NTM: variants seen among roughly 807,000 people sequenced by gnomAD.
The protein encoded by NTM is IgLON family member 2.
In NTM, 13 loss-of-function variants were observed where a neutral mutation model predicts 42.1. That is an observed-to-expected ratio of 0.31 (90% CI 0.20 to 0.49). The LOEUF (loss-of-function observed/expected upper bound fraction) is 0.49, where lower values mean the gene tolerates loss of function less well. Among genes scored for constraint, NTM ranks in the 20% least tolerant of loss-of-function variants. NTM has a pLI of 0.99. For missense variants in NTM, 373 were observed against 452.8 expected (o/e 0.82, Z 1.60); for synonymous variants, 187 against 179.2 (o/e 1.04, Z -0.35).
chr11:131,712,382 A>G (rs1366470823), intron 1 of NTM, among the ~76,000 whole-genome samples: 1 of 152,038 alleles, frequency 6.6e-6, no homozygotes, highest in African/African-American at 2.4e-5. Context: ...CCTTCTCGGA[A>G]ACTTCTGTGT....
At chr11:132,145,394 C>CT (rs1432460742) in intron 2 of NTM, among the ~76,000 whole-genome samples, 1 of 128,508 alleles carries the variant, frequency 7.8e-6, no homozygotes, top group African/African-American at 2.7e-5. Context: ...TAGTCAGGAT[C>CT]AGGACACTGC....
intron 4 of NTM, among the ~76,000 whole-genome samples, chr11:132,270,676 G>A (rs2093434289): frequency 6.6e-6 from 1 of 150,564 alleles, no homozygotes; most frequent in South Asian, 2.1e-4. Context: ...CTTTTTTGGG[G>A]GGTAATAGCA....
intron 1 of NTM, among the ~76,000 whole-genome samples, chr11:131,665,609 A>G (rs1279535633): frequency 6.6e-6 from 1 of 152,256 alleles, no homozygotes; most frequent in African/African-American, 2.4e-5. Flanking sequence ...CTGCTGACAC[A>G]TTGATCTTGA....
intron 1 of NTM, among the ~76,000 whole-genome samples, chr11:131,858,443 T>C (rs945356249): frequency 6.6e-6 from 1 of 152,160 alleles, no homozygotes; most frequent in Admixed American, 6.5e-5. Context: ...TCCTTGTATC[T>C]CCGTCTTCTA....
intron 1 of NTM, among the ~76,000 whole-genome samples, chr11:131,673,590 G>A (rs937282336): frequency 4.6e-5 from 7 of 152,196 alleles, no homozygotes; most frequent in African/African-American, 1.2e-4. Flanking sequence ...TACAGTTAGC[G>A]GGTGATGCTT....
chr11:131,746,998 C>G (rs928443796), intron 1 of NTM, among the ~76,000 whole-genome samples: 2 of 152,060 alleles, frequency 1.3e-5, no homozygotes, highest in Non-Finnish European at 2.9e-5. Context: ...TAACATATAC[C>G]TTTGTGGTGA....
rs188181675 is a variant in NTM at position 132,104,663 on chromosome 11, T to C, written c.168-41619T>C. Among the ~76,000 whole-genome samples the C allele has an allele frequency of 6.7e-4, 101 of 149,688 alleles. 2 individuals are homozygous for C. The highest frequency in any genetic ancestry group is 2.4e-3 in the African/African-American group (96 of 40,524). ...GGTAGTGCATGCTTTTAGTCCCAGC[T>C]ACTCAGGAGGACAAAGAGGGAGGAT... On this transcript the variant is annotated intron_variant, in intron 2 of 8. Transcript: ENST00000683400.
chr11:132,080,789 A>G (rs1388649800), intron 2 of NTM, among the ~76,000 whole-genome samples: 5 of 152,218 alleles, frequency 3.3e-5, no homozygotes, highest in African/African-American at 9.7e-5. Flanking sequence ...AAACTGTGAA[A>G]TGTGCTTGTT....
chr11:132,290,607 T>A (rs1369356223), intron 4 of NTM, among the ~76,000 whole-genome samples: 1 of 152,222 alleles, frequency 6.6e-6, no homozygotes, highest in Non-Finnish European at 1.5e-5. Context: ...ATTTATTCAT[T>A]CAACAACTAT....
At chr11:132,069,074 G>A (rs1365652001) in intron 2 of NTM, among the ~76,000 whole-genome samples, 31 of 152,172 alleles carry the variant, frequency 2.0e-4, no homozygotes, top group Admixed American at 1.2e-3. Context: ...TAGTAAACAC[G>A]TCACACAGCC....
At chr11:132,182,753 A>G (rs979605872) in intron 3 of NTM, among the ~76,000 whole-genome samples, 6 of 152,214 alleles carry the variant, frequency 3.9e-5, no homozygotes, top group Admixed American at 1.3e-4. Context: ...TTCCTATGGA[A>G]TAAAATCCAA....
At chr11:132,010,544 A>AT (rs2071915158) in intron 2 of NTM, among the ~76,000 whole-genome samples, 1 of 150,644 alleles carries the variant, frequency 6.6e-6, no homozygotes, top group Non-Finnish European at 1.5e-5. Context: ...ACCTTAATGA[A>AT]TTTTCCCTCC....
At chr11:132,034,230 G>C (rs1348270946) in intron 2 of NTM, among the ~76,000 whole-genome samples, 5 of 152,170 alleles carry the variant, frequency 3.3e-5, no homozygotes, top group Non-Finnish European at 5.9e-5. Flanking sequence ...TCACAGGCTA[G>C]TGCACATAGT....
At chr11:131,537,841 G>C (rs1025745905) in intron 1 of NTM, 1 of 152,352 alleles carries the variant, frequency 6.6e-6, no homozygotes, top group African/African-American at 2.4e-5. Flanking sequence ...GCTCCCTGGA[G>C]AAGGAACACA....
chr11:132,278,785 T>TCTCTC (rs2093844888), intron 4 of NTM, among the ~76,000 whole-genome samples: 2 of 85,892 alleles, frequency 2.3e-5, no homozygotes, highest in South Asian at 4.1e-4. Flanking sequence ...CTCTCTCTCT[T>TCTCTC]TACTGCTTAA....
intron 2 of NTM, among the ~76,000 whole-genome samples, chr11:132,074,197 C>T (rs1272760675): frequency 6.6e-6 from 1 of 152,190 alleles, no homozygotes; most frequent in East Asian, 1.9e-4. Context: ...AGCAAAATGG[C>T]TGATGGCAAG....
chr11:131,522,356 G>A (rs60960487), intron 1 of NTM, among the ~76,000 whole-genome samples: 18,697 of 126,650 alleles, frequency 0.15, 1,433 homozygotes, highest in East Asian at 0.3. Context: ...AGAACAACAA[G>A]AAAAAAAAAA....
At chr11:131,774,720 A>G (rs918798417) in intron 1 of NTM, among the ~76,000 whole-genome samples, 14 of 152,236 alleles carry the variant, frequency 9.2e-5, no homozygotes, top group African/African-American at 2.9e-4. Flanking sequence ...CCAGGAATGC[A>G]TTAAGCTTAA....
chr11:131,815,973 C>CCATTTCA (rs2092936519), intron 1 of NTM, among the ~76,000 whole-genome samples: 1 of 152,050 alleles, frequency 6.6e-6, no homozygotes, highest in Admixed American at 6.6e-5. Context: ...AGAGAGATGG[C>CCATTTCA]GGTGAAACTG....
Sources: gnomAD v4.1 joint callset for allele counts (sites outside exome capture counted in the v4.1 genomes callset) on GRCh38, gnomAD v4.1.1 for gene constraint, MANE v1.5 for transcripts, NCBI Gene and HGNC (gene_info 2026-07-23, HGNC 2026-07-21) for gene names.